SHISA9: variants seen among roughly 807,000 people sequenced by gnomAD.
SHISA9 encodes the protein shisa family member 9.
SHISA9 carries 13 observed loss-of-function variants against 38.0 expected under a neutral mutation model. The observed-to-expected ratio is 0.34, with a 90% CI of 0.22 to 0.54. The LOEUF (loss-of-function observed/expected upper bound fraction) is 0.54. SHISA9 is among the 20% of genes least tolerant of loss of function. SHISA9 has a pLI of 0.91. For missense variants in SHISA9, 538 were observed against 575.8 expected (o/e 0.93, Z 0.67); for synonymous variants, 275 against 242.0 (o/e 1.14, Z -1.27).
At chr16:13,428,720 G>C in the SHISA9 span, among the ~76,000 whole-genome samples, 1 of 151,832 alleles carries the variant, frequency 6.6e-6, no homozygotes, top group Non-Finnish European at 1.5e-5. Context: ...CCTGAGACTA[G>C]TGGTGAACAT....
intron 2 of SHISA9, among the ~76,000 whole-genome samples, chr16:13,196,172 C>T (rs1377418918): frequency 4.4e-5 from 6 of 137,036 alleles, no homozygotes; most frequent in East Asian, 2.2e-4. Context: ...CTGAGGTGGG[C>T]GGATCACGAG....
intron 2 of SHISA9, among the ~76,000 whole-genome samples, chr16:12,975,277 G>A (rs1356804133): frequency 1.3e-5 from 2 of 151,960 alleles, no homozygotes; most frequent in Admixed American, 6.6e-5. Context: ...AGTGGCTCAC[G>A]GTGAATCACA....
chr16:13,297,405 T>C, the SHISA9 span, among the ~76,000 whole-genome samples: 2 of 152,194 alleles, frequency 1.3e-5, no homozygotes, highest in Non-Finnish European at 2.9e-5. Context: ...TGAGACCAGG[T>C]TGACATAAGC....
At chr16:13,193,682 T>A (rs185644175) in intron 2 of SHISA9, among the ~76,000 whole-genome samples, 1 of 152,270 alleles carries the variant, frequency 6.6e-6, no homozygotes, top group Non-Finnish European at 1.5e-5. Flanking sequence ...TTTGTCTGAG[T>A]TAGCCTGTGA....
chr16:12,922,676 C>T (rs1055685953), intron 2 of SHISA9, among the ~76,000 whole-genome samples: 1 of 152,142 alleles, frequency 6.6e-6, no homozygotes, highest in African/African-American at 2.4e-5. Flanking sequence ...GATGCCACCA[C>T]ACCCGGTTGA....
intron 2 of SHISA9, among the ~76,000 whole-genome samples, chr16:13,090,287 G>A (rs1016828508): frequency 6.6e-6 from 1 of 152,180 alleles, no homozygotes; most frequent in African/African-American, 2.4e-5. Context: ...TGTTGATTTG[G>A]TGTGGAGAGT....
Position 13,110,380 on chromosome 16 carries a change from C to T in SHISA9, c.692-93014C>T, listed in dbSNP as rs546784638. On this transcript the variant is annotated intron_variant, in intron 2 of 4. Coordinates refer to ENST00000558583, the MANE Select transcript of SHISA9 (RefSeq NM_001145204.3). The stretch of plus-strand genomic sequence containing the variant: ...GATGCAGTGGCTGTAAAAGCAGCTG[C>T]GATGTTTCCGTGCTGAAAAGGGCTT... 5.3e-5 allele frequency among the ~76,000 whole-genome samples: 8 copies of T among 152,174 alleles called. No individual in the cohort carries two copies. The East Asian group carries it at 1.2e-3, about 22-fold the overall frequency.
At chr16:13,060,479 C>A (rs2073361085) in intron 2 of SHISA9, among the ~76,000 whole-genome samples, 1 of 151,930 alleles carries the variant, frequency 6.6e-6, no homozygotes, top group Non-Finnish European at 1.5e-5. Context: ...ATGGTGAAGA[C>A]TGAAAACAGC....
chr16:13,068,657 G>A (rs1437411670), intron 2 of SHISA9, among the ~76,000 whole-genome samples: 1 of 152,200 alleles, frequency 6.6e-6, no homozygotes, highest in Non-Finnish European at 1.5e-5. Context: ...CAAGTACTGT[G>A]GCTGGGCCAT....
At chr16:13,021,543 T>G (rs1245286183) in intron 2 of SHISA9, among the ~76,000 whole-genome samples, 1 of 152,206 alleles carries the variant, frequency 6.6e-6, no homozygotes, top group Non-Finnish European at 1.5e-5. Flanking sequence ...TCAACCCATG[T>G]ACCTGACTCA....
intron 2 of SHISA9, among the ~76,000 whole-genome samples, chr16:12,963,482 G>C (rs1338625803): frequency 6.6e-6 from 1 of 152,206 alleles, no homozygotes; most frequent in Non-Finnish European, 1.5e-5. Flanking sequence ...ATGGCTGGCA[G>C]GGAGTTGGAG....
intron 2 of SHISA9, among the ~76,000 whole-genome samples, chr16:13,028,079 G>A (rs1253153584): frequency 6.6e-6 from 1 of 151,972 alleles, no homozygotes; most frequent in Non-Finnish European, 1.5e-5. Context: ...CTGCAAACAG[G>A]TATGTGAAAC....
the SHISA9 span, among the ~76,000 whole-genome samples, chr16:13,257,315 C>T: frequency 6.6e-6 from 1 of 152,170 alleles, no homozygotes; most frequent in Non-Finnish European, 1.5e-5. Flanking sequence ...CAAGTTGTGC[C>T]TGGCTTACTT....
At chr16:13,524,250 G>A in the SHISA9 span, among the ~76,000 whole-genome samples, 10 of 152,156 alleles carry the variant, frequency 6.6e-5, no homozygotes, top group East Asian at 3.9e-4. Flanking sequence ...CATTGCCCCC[G>A]GCTGTCCTGG....
chr16:13,002,734 C>T (rs1305976840), intron 2 of SHISA9, among the ~76,000 whole-genome samples: 1 of 151,788 alleles, frequency 6.6e-6, no homozygotes, highest in Non-Finnish European at 1.5e-5. Context: ...GATTTCATTA[C>T]GTTGGCCAGG....
chr16:13,020,620 G>A (rs2072840615), intron 2 of SHISA9, among the ~76,000 whole-genome samples: 1 of 152,130 alleles, frequency 6.6e-6, no homozygotes, highest in Admixed American at 6.5e-5. Context: ...CAAGGCTTCA[G>A]CATATGAATT....
At chr16:13,524,103 A>T in the SHISA9 span, among the ~76,000 whole-genome samples, 31,487 of 152,038 alleles carry the variant, frequency 0.21, 3,421 homozygotes, top group South Asian at 0.35. Flanking sequence ...CTTGACCATT[A>T]TGCTATACTG....
chr16:13,226,190 A>AG (rs1417882018), intron 4 of SHISA9, among the ~76,000 whole-genome samples: 5 of 152,252 alleles, frequency 3.3e-5, no homozygotes, highest in African/African-American at 1.2e-4. Context: ...TCCAAACCAG[A>AG]GGGGAACAGA....
At chr16:13,101,782 A>G (rs1014229752) in intron 2 of SHISA9, among the ~76,000 whole-genome samples, 1 of 152,186 alleles carries the variant, frequency 6.6e-6, no homozygotes. Context: ...CATCCTCGCC[A>G]ATACTTGCTA....
Sources: gnomAD v4.1 joint callset for allele counts (sites outside exome capture counted in the v4.1 genomes callset) on GRCh38, gnomAD v4.1.1 for gene constraint, MANE v1.5 for transcripts, NCBI Gene and HGNC (gene_info 2026-07-23, HGNC 2026-07-21) for gene names.